ZBTB20: variants seen among roughly 807,000 people sequenced by gnomAD.
ZBTB20 encodes the protein zinc finger and BTB domain-containing protein 20.
A neutral mutation model predicts 56.9 loss-of-function variants in ZBTB20; 9 were observed. That is an observed-to-expected ratio of 0.16 (90% CI 0.10 to 0.28). ZBTB20 has a LOEUF of 0.28. Among genes scored for constraint, ZBTB20 ranks in the 10% least tolerant of loss-of-function variants. The pLI, the probability that ZBTB20 is intolerant of heterozygous loss-of-function variation, is 1.00. For missense variants in ZBTB20, 655 were observed against 1,003.0 expected (o/e 0.65, Z 4.69); for synonymous variants, 417 against 420.7 (o/e 0.99, Z 0.11).
chr3:114,981,726 T>C (rs1238408267), intron 2 of ZBTB20, among the ~76,000 whole-genome samples: 1 of 152,018 alleles, frequency 6.6e-6, no homozygotes, highest in East Asian at 1.9e-4. Flanking sequence ...AGTAAGTAAT[T>C]TGCCAAAGGA....
chr3:115,142,987 A>G (rs1442060580), intron 1 of ZBTB20, among the ~76,000 whole-genome samples: 1 of 152,206 alleles, frequency 6.6e-6, no homozygotes, highest in Non-Finnish European at 1.5e-5. Context: ...TGGCTAACAA[A>G]GTAAGACTCA....
intron 6 of ZBTB20, among the ~76,000 whole-genome samples, chr3:114,690,149 T>C (rs1275220059): frequency 6.6e-6 from 1 of 152,184 alleles, no homozygotes; most frequent in Non-Finnish European, 1.5e-5. Context: ...GCTCTACCAG[T>C]TTTGGCTGAA....
chr3:114,623,000 C>T (rs1240381213), intron 6 of ZBTB20, among the ~76,000 whole-genome samples: 1 of 152,160 alleles, frequency 6.6e-6, no homozygotes, highest in African/African-American at 2.4e-5. Context: ...TCAGATGCTG[C>T]CACACAATCG....
intron 6 of ZBTB20, among the ~76,000 whole-genome samples, chr3:114,594,700 A>G (rs1005948240): frequency 3.9e-5 from 6 of 152,196 alleles, no homozygotes; most frequent in Admixed American, 6.5e-5. Context: ...GTAAGGTCTT[A>G]GTCTAGCAGG....
chr3:114,451,676 T>C (rs1057450265), intron 7 of ZBTB20, among the ~76,000 whole-genome samples: 1 of 151,364 alleles, frequency 6.6e-6, no homozygotes, highest in Admixed American at 6.6e-5. Context: ...ACAAACAGAG[T>C]CCTAACAGGC....
chr3:114,532,710 G>A (rs562068580), intron 6 of ZBTB20, among the ~76,000 whole-genome samples: 2 of 152,300 alleles, frequency 1.3e-5, no homozygotes, highest in African/African-American at 2.4e-5. Flanking sequence ...CCTCCCAGCA[G>A]GGGTCAATAG....
intron 6 of ZBTB20, among the ~76,000 whole-genome samples, chr3:114,577,994 A>G (rs1202908845): frequency 6.6e-6 from 1 of 152,228 alleles, no homozygotes; most frequent in Non-Finnish European, 1.5e-5. Flanking sequence ...TTCACTCCAG[A>G]TAAATTTGAT....
intron 2 of ZBTB20, among the ~76,000 whole-genome samples, chr3:115,052,460 GA>G (rs902524742): frequency 2.3e-4 from 33 of 142,864 alleles, no homozygotes; most frequent in East Asian, 4.0e-4. Context: ...CTTTCTCATG[GA>G]AAAAAAAAAA....
intron 3 of ZBTB20, among the ~76,000 whole-genome samples, chr3:114,968,070 T>C (rs1363740802): frequency 6.6e-6 from 1 of 152,164 alleles, no homozygotes; most frequent in Non-Finnish European, 1.5e-5. Flanking sequence ...TATACCAATG[T>C]ACTATGCATA....
chr3:114,360,194 G>C (rs2081669850), intron 10 of ZBTB20, among the ~76,000 whole-genome samples: 1 of 151,172 alleles, frequency 6.6e-6, no homozygotes, highest in African/African-American at 2.4e-5. Context: ...GTGCTGTTCT[G>C]AAACTGCTTT....
At chr3:114,950,227 G>GT (rs898522233) in intron 3 of ZBTB20, among the ~76,000 whole-genome samples, 1 of 151,912 alleles carries the variant, frequency 6.6e-6, no homozygotes, top group African/African-American at 2.4e-5. Flanking sequence ...CAAATACTAT[G>GT]TTTTTTTCCT....
intron 5 of ZBTB20, among the ~76,000 whole-genome samples, chr3:114,744,733 G>T (rs1469472945): frequency 6.6e-6 from 1 of 152,144 alleles, no homozygotes; most frequent in Non-Finnish European, 1.5e-5. Context: ...ATTTTATGCA[G>T]CTGCTGTGTG....
rs1384663539 is a variant in ZBTB20 at position 114,587,195 on chromosome 3, C to G, written c.-294-86804G>C. 2.0e-5 allele frequency among the ~76,000 whole-genome samples: 3 copies of G among 151,896 alleles called. 1 individual carries two copies. Among genetic ancestry groups the G allele is most frequent in the Admixed American group, 1.3e-4 (2 of 15,248 alleles). ...TATTTTTAGTAGAGACGGGGTTTCA[C>G]CATGTTGGACAGGCTGGTCTCGAAC... is the stretch of plus-strand genomic sequence containing the variant. On this transcript the variant is annotated intron_variant, in intron 6 of 11. Coordinates refer to ENST00000675478, the MANE Select transcript of ZBTB20 (RefSeq NM_001348800.3).
chr3:114,940,285 T>C (rs1269423897), intron 3 of ZBTB20, among the ~76,000 whole-genome samples: 1 of 146,534 alleles, frequency 6.8e-6, no homozygotes, highest in African/African-American at 2.8e-5. Flanking sequence ...TACAGTGCAT[T>C]TCATTGCCTT....
intron 1 of ZBTB20, among the ~76,000 whole-genome samples, chr3:115,100,753 A>G (rs527236990): frequency 6.6e-6 from 1 of 152,364 alleles, no homozygotes; most frequent in African/African-American, 2.4e-5. Flanking sequence ...GAAATAGTGA[A>G]ATGCATAGCT....
chr3:114,387,894 A>G (rs561771632), intron 8 of ZBTB20: 9 of 152,374 alleles, frequency 5.9e-5, no homozygotes, highest in African/African-American at 1.7e-4. Flanking sequence ...CGGGAAAGGC[A>G]GGCCTGTCTA....
At chr3:114,548,501 T>C (rs2050169926) in intron 6 of ZBTB20, among the ~76,000 whole-genome samples, 1 of 151,648 alleles carries the variant, frequency 6.6e-6, no homozygotes, top group African/African-American at 2.4e-5. Flanking sequence ...ATTTCTTTTG[T>C]TTTTCTTTTT....
At position 114,380,383 on chromosome 3, in the gene ZBTB20, T is replaced by G; in HGVS notation, c.33A>C (p.Glu11Asp). 1 of 1,535,164 alleles carries G rather than the reference T, an allele frequency of 6.5e-7. No homozygotes were observed. The highest frequency in any genetic ancestry group is 1.4e-5 in the African/African-American group (1 of 73,060). MLERKKPKTA[E>D]NQKASEENEI... is the part of the protein sequence containing the mutation. Reference sequence around the variant, plus strand: ...CATTCTCCTCAGATGCCTTCTGGTTTTCAGCTGTCTTGGGTTTCTTCCTGA... The same window carrying G: ...CATTCTCCTCAGATGCCTTCTGGTTGTCAGCTGTCTTGGGTTTCTTCCTGA... The change falls in exon 10 of 12, where the codon GAA becomes GAC. Residue 11 changes from glutamate to aspartate, a missense_variant. By Grantham distance (45) the Glu-to-Asp change is conservative. Coordinates refer to ENST00000675478, the MANE Select transcript of ZBTB20 (RefSeq NM_001348800.3).
intron 2 of ZBTB20, among the ~76,000 whole-genome samples, chr3:115,037,283 G>A (rs1283281733): frequency 6.6e-6 from 1 of 152,008 alleles, no homozygotes; most frequent in Non-Finnish European, 1.5e-5. Flanking sequence ...AATTTTTGGG[G>A]GGGGCGGAGT....
Sources: allele counts gnomAD v4.1 joint callset (sites outside exome capture counted in the v4.1 genomes callset), GRCh38; gene constraint gnomAD v4.1.1; transcripts MANE v1.5; gene names NCBI Gene and HGNC (gene_info 2026-07-23, HGNC 2026-07-21).